FAM13A: variants seen among roughly 807,000 people sequenced by gnomAD.
The protein encoded by FAM13A is protein FAM13A.
A neutral mutation model predicts 129.6 loss-of-function variants in FAM13A; 76 were observed. The ratio of observed to expected loss-of-function variants is 0.59; its 90% CI spans 0.49 to 0.71. The LOEUF (loss-of-function observed/expected upper bound fraction) is 0.71. Ranked by LOEUF, FAM13A falls within the 30% of genes least tolerant of loss-of-function variation. The probability of loss-of-function intolerance (pLI) is 0.00; values close to 1 mark genes in which losing one functional copy is unlikely to be tolerated. For missense variants in FAM13A, 1,108 were observed against 1,249.3 expected, an observed-to-expected ratio of 0.89 and a Z score of 1.70; for synonymous variants, 443 against 449.9, an observed-to-expected ratio of 0.98 and a Z score of 0.20.
chr4:88,757,147 A>C (rs1182284104), intron 14 of FAM13A, among the ~76,000 whole-genome samples: 1 of 152,206 alleles, frequency 6.6e-6, no homozygotes, highest in Admixed American at 6.5e-5. Flanking sequence ...AGTTTTAAGG[A>C]AACTATAAGC....
intron 3 of FAM13A, among the ~76,000 whole-genome samples, chr4:89,016,580 TA>T (rs1227441433): frequency 1.3e-5 from 2 of 152,178 alleles, no homozygotes; most frequent in Non-Finnish European, 2.9e-5. Context: ...TATACAGGTG[TA>T]CCATTTAAAC....
At chr4:88,877,630 G>C (rs944794133) in intron 6 of FAM13A, among the ~76,000 whole-genome samples, 1 of 152,206 alleles carries the variant, frequency 6.6e-6, no homozygotes, top group Admixed American at 6.5e-5. Context: ...AAGGCAGGTT[G>C]GCTCTTTGTT....
chr4:88,753,583 GA>G, intron 14 of FAM13A: 1 of 650,462 alleles, frequency 1.5e-6, no homozygotes, highest in Non-Finnish European at 1.9e-6. Flanking sequence ...GAACGGAAGT[GA>G]AAGGTTTCTC....
intron 17 of FAM13A, among the ~76,000 whole-genome samples, chr4:88,748,591 T>G (rs920424673): frequency 8.5e-5 from 13 of 152,236 alleles, no homozygotes; most frequent in African/African-American, 3.1e-4. Flanking sequence ...CTTTGAGGGA[T>G]GGAGGCCATA....
intron 7 of FAM13A, among the ~76,000 whole-genome samples, chr4:88,813,583 T>C (rs999825921): frequency 1.3e-5 from 2 of 152,202 alleles, no homozygotes; most frequent in African/African-American, 4.8e-5. Flanking sequence ...TGCAAATTTA[T>C]TAAGGGTTTG....
At chr4:88,747,559 G>T in intron 18 of FAM13A, 72 bp downstream of exon 18, 1 of 1,230,836 alleles carries the variant, frequency 8.1e-7, no homozygotes, top group Non-Finnish European at 1.2e-6. Context: ...TGGGATTCAC[G>T]TGGCATGCCC....
chr4:88,951,983 T>C (rs989175730), intron 4 of FAM13A, among the ~76,000 whole-genome samples: 14 of 152,230 alleles, frequency 9.2e-5, no homozygotes, highest in Non-Finnish European at 1.3e-4. Flanking sequence ...TAGTTCCTTT[T>C]CAACTTATTT....
chr4:88,750,305 T>C, intron 15 of FAM13A, 119 bp downstream of exon 15: 1 of 797,918 alleles, frequency 1.3e-6, no homozygotes, highest in Non-Finnish European at 2.1e-6. Flanking sequence ...GAATTTCAAA[T>C]ATGTTGCTCC....
At chr4:88,797,322 GAGT>G (rs1383257934) in intron 8 of FAM13A, among the ~76,000 whole-genome samples, 1 of 151,572 alleles carries the variant, frequency 6.6e-6, no homozygotes, top group African/African-American at 2.4e-5. Flanking sequence ...AGGCTGGAGG[GAGT>G]ACAGTGGCAT....
chr4:89,048,978 T>TA (rs1344466971), intron 1 of FAM13A, among the ~76,000 whole-genome samples: 8 of 152,220 alleles, frequency 5.3e-5, no homozygotes. Context: ...AACCATATTG[T>TA]AGGAGGTCAC....
chr4:88,913,664 C>T (rs1204055086), intron 5 of FAM13A, among the ~76,000 whole-genome samples: 2 of 152,178 alleles, frequency 1.3e-5, no homozygotes, highest in African/African-American at 4.8e-5. Flanking sequence ...AGCAGGAACT[C>T]AATAAATGTG....
intron 14 of FAM13A, among the ~76,000 whole-genome samples, chr4:88,756,844 A>G (rs1362738965): frequency 6.6e-6 from 1 of 152,238 alleles, no homozygotes; most frequent in Non-Finnish European, 1.5e-5. Flanking sequence ...GCTTAAAAAA[A>G]AAAGGTCACT....
intron 1 of FAM13A, among the ~76,000 whole-genome samples, chr4:89,032,757 G>A (rs1768873676): frequency 6.6e-6 from 1 of 152,150 alleles, no homozygotes; most frequent in South Asian, 2.1e-4. Flanking sequence ...ACTGTGTTTT[G>A]AGGAATGACT....
chr4:88,778,683 A>C (rs1722260719), intron 11 of FAM13A, among the ~76,000 whole-genome samples: 1 of 152,168 alleles, frequency 6.6e-6, no homozygotes, highest in Non-Finnish European at 1.5e-5. Context: ...AGCATCACCA[A>C]GTTTAAGTAA....
At chr4:88,818,476 A>G (rs781132674) in intron 7 of FAM13A, among the ~76,000 whole-genome samples, 36 of 152,206 alleles carry the variant, frequency 2.4e-4, no homozygotes, top group Non-Finnish European at 4.6e-4. Flanking sequence ...TGAATAGTTA[A>G]CATCTTTACT....
At chr4:88,798,611 T>C (rs1330209930) in intron 8 of FAM13A, among the ~76,000 whole-genome samples, 2 of 152,186 alleles carry the variant, frequency 1.3e-5, no homozygotes, top group East Asian at 3.9e-4. Context: ...TGGCAGAACA[T>C]GAAGTCTGCA....
Position 89,029,521 on chromosome 4 carries a change from C to A in FAM13A, c.156G>T (p.Gly52=). 6.3e-7 allele frequency: 1 copy of A among 1,594,408 alleles called. No homozygotes were observed. Among genetic ancestry groups the A allele is most frequent in the Non-Finnish European group, 8.5e-7 (1 of 1,174,638 alleles). Residue 52 remains glycine (G), a synonymous_variant, in exon 2 of 24, where the codon GGG becomes GGT. Coordinates refer to ENST00000264344, the MANE Select transcript of FAM13A (RefSeq NM_014883.4). ...CTGCTGGAATGCCATTCTCGGTGAG[C>A]CCCTGCCGTTCAAGTTCTTGGAGAC... is the stretch of plus-strand genomic sequence containing the variant. ...GVSLQELERQ[G]LTENGIPAVV... is the part of the protein sequence containing the mutation.
intron 7 of FAM13A, among the ~76,000 whole-genome samples, chr4:88,842,267 C>T (rs1735967053): frequency 6.6e-6 from 1 of 152,168 alleles, no homozygotes; most frequent in African/African-American, 2.4e-5. Context: ...GAGAAGGACA[C>T]TCCAGATAAA....
intron 19 of FAM13A, among the ~76,000 whole-genome samples, chr4:88,745,110 C>A (rs984636542): frequency 6.6e-6 from 1 of 152,078 alleles, no homozygotes; most frequent in Admixed American, 6.6e-5. Flanking sequence ...TAAAAGCCAC[C>A]CCACCCCACT....
Sources: gnomAD v4.1 joint callset for allele counts (sites outside exome capture counted in the v4.1 genomes callset) on GRCh38, gnomAD v4.1.1 for gene constraint, MANE v1.5 for transcripts, NCBI Gene and HGNC (gene_info 2026-07-23, HGNC 2026-07-21) for gene names.